The following PDE11A variants were observed in gnomAD, a reference collection of about 807,000 sequenced individuals.
PDE11A encodes dual 3',5'-cyclic-AMP and -GMP phosphodiesterase 11A.
Under a neutral mutation model 100.5 loss-of-function variants are expected in PDE11A, and 100 were observed. The ratio of observed to expected loss-of-function variants is 1.00; its 90% CI spans 0.85 to 1.18. PDE11A has a LOEUF of 1.18. Ranked by LOEUF, PDE11A falls within the 50% of genes most tolerant of loss-of-function variation. PDE11A has a pLI of 0.00. For synonymous variants in PDE11A, 381 were observed against 420.8 expected (o/e 0.91, Z 1.16); for missense variants, 1,141 against 1,152.6 (o/e 0.99, Z 0.15).
chr2:177,946,164 C>G, intron 2 of PDE11A, among the ~76,000 whole-genome samples: 1 of 116,588 alleles, frequency 8.6e-6, no homozygotes, highest in African/African-American at 3.2e-5. Context: ...CGCCTCTGCC[C>G]GGCCGCCCCT....
At chr2:178,029,921 C>G (rs1163797214) in intron 1 of PDE11A, among the ~76,000 whole-genome samples, 3 of 152,160 alleles carry the variant, frequency 2.0e-5, no homozygotes, top group Non-Finnish European at 4.4e-5. Context: ...ACTCTTTGCC[C>G]TTTCACCATA....
chr2:177,866,890 G>T (rs1010357067), intron 5 of PDE11A, among the ~76,000 whole-genome samples: 2 of 152,234 alleles, frequency 1.3e-5, no homozygotes, highest in Admixed American at 1.3e-4. Context: ...GGGCAAATCA[G>T]ACAAGGCCTG....
intron 5 of PDE11A, among the ~76,000 whole-genome samples, chr2:177,841,447 C>T (rs1185182804): frequency 6.6e-6 from 1 of 152,190 alleles, no homozygotes; most frequent in Non-Finnish European, 1.5e-5. Flanking sequence ...CAAGAATAAT[C>T]ATCACTCTAT....
intron 5 of PDE11A, among the ~76,000 whole-genome samples, chr2:177,843,256 C>T (rs773837603): frequency 3.3e-5 from 5 of 152,068 alleles, no homozygotes; most frequent in Non-Finnish European, 5.9e-5. Context: ...AGAATTTTCA[C>T]CTAAATCTGA....
intron 15 of PDE11A, among the ~76,000 whole-genome samples, chr2:177,690,029 A>G (rs781306874): frequency 3.9e-5 from 6 of 152,152 alleles, no homozygotes; most frequent in African/African-American, 7.2e-5. Flanking sequence ...CTGCTTGTAC[A>G]TTACCAGCAA....
chr2:177,922,579 C>T, intron 2 of PDE11A: 1 of 548,628 alleles, frequency 1.8e-6, no homozygotes, highest in Non-Finnish European at 2.3e-6. Flanking sequence ...AACCCAAAAA[C>T]CTGGAGCCAT....
At chr2:177,889,312 GT>G (rs2084491272) in intron 4 of PDE11A, among the ~76,000 whole-genome samples, 1 of 152,132 alleles carries the variant, frequency 6.6e-6, no homozygotes, top group African/African-American at 2.4e-5. Flanking sequence ...TGATTTTTTT[GT>G]GTGTAAATGC....
chr2:177,897,249 T>A (rs2084625348), intron 4 of PDE11A, among the ~76,000 whole-genome samples: 2 of 152,196 alleles, frequency 1.3e-5, no homozygotes, highest in African/African-American at 4.8e-5. Context: ...TTCAAGAATT[T>A]AGATTGATGA....
intron 2 of PDE11A, among the ~76,000 whole-genome samples, chr2:177,977,154 C>G (rs1295652572): frequency 2.4e-5 from 1 of 42,186 alleles, no homozygotes; most frequent in Non-Finnish European, 4.5e-5. Context: ...CAAATTGTCC[C>G]TGTTTGCAGA....
intron 1 of PDE11A, among the ~76,000 whole-genome samples, chr2:178,060,269 GTATCTGAGAAAGCAAATATGGTTTCTT>G (rs2086951267): frequency 1.3e-5 from 2 of 152,048 alleles, no homozygotes; most frequent in South Asian, 4.2e-4. Flanking sequence ...CTTTGGAAGG[GTATCTGAGAAAGCAAATATGGTTTCTT>G]TAAGTAATGA....
chr2:178,019,793 G>A (rs1239639196), intron 1 of PDE11A, among the ~76,000 whole-genome samples: 1 of 152,202 alleles, frequency 6.6e-6, no homozygotes, highest in East Asian at 1.9e-4. Context: ...AAAAGACAAT[G>A]AGCCTCAGAT....
At chr2:178,077,706 G>T (rs1261617210), upstream of PDE11A, among the ~76,000 whole-genome samples, 1 of 152,158 alleles carries the variant, frequency 6.6e-6, no homozygotes, top group Non-Finnish European at 1.5e-5. Flanking sequence ...TGTAATTAAA[G>T]ATCTCAAGAT....
At chr2:177,793,755 G>A (rs10179500) in intron 9 of PDE11A, among the ~76,000 whole-genome samples, 50,296 of 151,734 alleles carry the variant, frequency 0.33, 8,693 homozygotes, top group African/African-American at 0.39. Context: ...TGGCTCCATC[G>A]CTCACACTGC....
At chr2:178,049,211 G>A (rs964171847) in intron 1 of PDE11A, among the ~76,000 whole-genome samples, 2 of 152,224 alleles carry the variant, frequency 1.3e-5, no homozygotes, top group Admixed American at 1.3e-4. Flanking sequence ...TATGTTAAGA[G>A]TTGTGGTAGT....
chr2:177,831,284 T>C (rs2083304502), intron 6 of PDE11A, among the ~76,000 whole-genome samples: 1 of 152,196 alleles, frequency 6.6e-6, no homozygotes, highest in South Asian at 2.1e-4. Flanking sequence ...ATTAAAGACA[T>C]CCCTTTGTAG....
At chr2:178,093,947 A>G (rs1382971718) in intron 2 of PDE11A, among the ~76,000 whole-genome samples, 10 of 149,810 alleles carry the variant, frequency 6.7e-5, no homozygotes, top group Non-Finnish European at 1.0e-4. Flanking sequence ...AGAGCCAAAT[A>G]ACAGCCCCAC....
chr2:178,055,995 G>T (rs1261606908), intron 1 of PDE11A, among the ~76,000 whole-genome samples: 1 of 151,992 alleles, frequency 6.6e-6, no homozygotes, highest in Non-Finnish European at 1.5e-5. Flanking sequence ...TGAAGATGCA[G>T]ATATTAAGGT....
chr2:177,945,856 G>A (rs1160371577), intron 2 of PDE11A, among the ~76,000 whole-genome samples: 968 of 110,664 alleles, frequency 8.7e-3, no homozygotes, highest in African/African-American at 0.026. Context: ...CTGGCCAGCC[G>A]TGCCGTCCGG....
intron 13 of PDE11A, among the ~76,000 whole-genome samples, chr2:177,706,659 T>C (rs556472331): frequency 6.6e-6 from 1 of 152,184 alleles, no homozygotes; most frequent in Admixed American, 6.5e-5. Context: ...CAAAAATGAC[T>C]CCATAAGGTA....
Sources: gnomAD v4.1 joint callset for allele counts (sites outside exome capture counted in the v4.1 genomes callset) on GRCh38, gnomAD v4.1.1 for gene constraint, MANE v1.5 for transcripts, NCBI Gene and HGNC (gene_info 2026-07-23, HGNC 2026-07-21) for gene names.